Variants in PIK3C2G observed in about 807,000 individuals in gnomAD.
PIK3C2G encodes phosphatidylinositol-4-phosphate 3-kinase catalytic subunit type 2 gamma.
A neutral mutation model predicts 181.1 loss-of-function variants in PIK3C2G; 168 were observed. The ratio of observed to expected loss-of-function variants is 0.93; its 90% confidence interval spans 0.82 to 1.05. The LOEUF (loss-of-function observed/expected upper bound fraction) is 1.05, where lower values mean the gene tolerates loss of function less well. Among genes scored for constraint, PIK3C2G ranks in the 50% least tolerant of loss-of-function variants. The pLI is 0.00. For synonymous variants in PIK3C2G, 573 were observed against 592.2 expected (o/e 0.97, Z 0.47); for missense variants, 1,869 against 1,732.8 (o/e 1.08, Z -1.40).
intron 5 of PIK3C2G, among the ~76,000 whole-genome samples, chr12:18,310,842 A>G (rs1950606830): frequency 1.3e-5 from 2 of 151,954 alleles, no homozygotes; most frequent in South Asian, 4.1e-4. Context: ...GATAGCTGAG[A>G]CTTCTCTGAT....
At chr12:18,277,605 C>T (rs1389141674) in intron 1 of PIK3C2G, among the ~76,000 whole-genome samples, 3 of 152,176 alleles carry the variant, frequency 2.0e-5, no homozygotes, top group African/African-American at 7.2e-5. Flanking sequence ...CCACACTCCT[C>T]TCATCTTCCT....
At chr12:18,566,249 G>A (rs949788119) in intron 28 of PIK3C2G, among the ~76,000 whole-genome samples, 10 of 152,080 alleles carry the variant, frequency 6.6e-5, no homozygotes, top group African/African-American at 2.4e-4. Context: ...CCAAGCCGTG[G>A]TTCCTACCAA....
intron 7 of PIK3C2G, among the ~76,000 whole-genome samples, chr12:18,321,821 C>T (rs970645104): frequency 1.3e-5 from 2 of 152,138 alleles, no homozygotes; most frequent in Non-Finnish European, 2.9e-5. Flanking sequence ...CCATTATCCT[C>T]AACAAACTAA....
intron 25 of PIK3C2G, among the ~76,000 whole-genome samples, chr12:18,541,196 A>G (rs962301187): frequency 6.6e-6 from 1 of 151,972 alleles, no homozygotes; most frequent in African/African-American, 2.4e-5. Flanking sequence ...ATCAGTCCCC[A>G]GGATTATGGG....
the PIK3C2G span, among the ~76,000 whole-genome samples, chr12:18,654,346 CA>C: frequency 6.7e-6 from 1 of 149,614 alleles, no homozygotes; most frequent in South Asian, 2.1e-4. Context: ...CCTTGGAGAG[CA>C]GATATAATGA....
intron 29 of PIK3C2G, among the ~76,000 whole-genome samples, chr12:18,593,667 G>A (rs1205821570): frequency 6.6e-6 from 1 of 151,862 alleles, no homozygotes; most frequent in Non-Finnish European, 1.5e-5. Flanking sequence ...CCAACAAAAT[G>A]TATGCCAGTT....
chr12:18,378,032 C>A lies in PIK3C2G; in HGVS notation c.1881-3734C>A, dbSNP rs149510111. 5.9e-5 allele frequency among the ~76,000 whole-genome samples: 9 copies of A among 152,168 alleles called. No individual in the cohort carries two copies. The East Asian group carries it at 1.7e-3, about 30-fold the overall frequency. On this transcript the variant is annotated intron_variant, in intron 13 of 32. Transcript: ENST00000538779. ...CATCACCATTTGTTGATACATTGCC[C>A]CATACACACATCTATGTCAGATGAC...
At chr12:18,707,988 C>A in the PIK3C2G span, among the ~76,000 whole-genome samples, 1 of 152,160 alleles carries the variant, frequency 6.6e-6, no homozygotes, top group African/African-American at 2.4e-5. Flanking sequence ...TCCATCATTT[C>A]ACAGTTACCC....
chr12:18,496,586 A>G lies in PIK3C2G; in HGVS notation c.2886+432A>G, dbSNP rs2290043. Among the ~76,000 whole-genome samples the G allele has an allele frequency of 1.6e-4, 25 of 152,278 alleles. No individual in the cohort carries two copies. The East Asian group carries it at 4.6e-3, about 28-fold the overall frequency. On this transcript the variant is annotated intron_variant, in intron 21 of 32. Transcript: ENST00000538779. ...TAGTAATTTGAGTTTTTTTTAATAA[A>G]AAAGTAAATATGGGTCATTTCAGTC...
At chr12:18,673,505 G>A in the PIK3C2G span, among the ~76,000 whole-genome samples, 1 of 152,210 alleles carries the variant, frequency 6.6e-6, no homozygotes, top group African/African-American at 2.4e-5. Context: ...AAACGAACAA[G>A]GCTAGAGAAG....
chr12:18,531,043 C>T (rs1943527388), intron 24 of PIK3C2G, among the ~76,000 whole-genome samples: 1 of 152,034 alleles, frequency 6.6e-6, no homozygotes. Context: ...TTAACTATTC[C>T]TTCCTCAAAG....
intron 12 of PIK3C2G, 97 bp downstream of exon 12, chr12:18,362,983 A>G: frequency 1.1e-6 from 1 of 894,468 alleles, no homozygotes. Context: ...TAAAAAAAAT[A>G]TGCTGCCAGT....
intron 18 of PIK3C2G, among the ~76,000 whole-genome samples, chr12:18,425,900 A>G (rs1255099533): frequency 6.6e-6 from 1 of 152,178 alleles, no homozygotes; most frequent in African/African-American, 2.4e-5. Flanking sequence ...CCATGTAGTG[A>G]TTTCTTATAT....
chr12:18,489,449 G>A (rs1940359279), intron 19 of PIK3C2G, among the ~76,000 whole-genome samples: 1 of 152,034 alleles, frequency 6.6e-6, no homozygotes, highest in Non-Finnish European at 1.5e-5. Context: ...AATAGTAGTA[G>A]GCAAAGTGTC....
At chr12:18,321,657 A>G (rs562593233) in intron 7 of PIK3C2G, among the ~76,000 whole-genome samples, 1 of 152,302 alleles carries the variant, frequency 6.6e-6, no homozygotes, top group Admixed American at 6.5e-5. Flanking sequence ...AAAGGCTGAT[A>G]TAACATATCA....
intron 18 of PIK3C2G, among the ~76,000 whole-genome samples, chr12:18,478,111 GA>G (rs992864433): frequency 6.6e-6 from 1 of 151,992 alleles, no homozygotes; most frequent in African/African-American, 2.4e-5. Context: ...TGGGTATTTA[GA>G]AGAAAAAAGA....
At chr12:18,694,108 G>C in the PIK3C2G span, 1 of 1,009,000 alleles carries the variant, frequency 9.9e-7, no homozygotes, top group Non-Finnish European at 1.5e-6. Flanking sequence ...AGTGAACTAC[G>C]GCTGCCATCA....
intron 25 of PIK3C2G, among the ~76,000 whole-genome samples, chr12:18,539,245 A>G (rs1944023528): frequency 3.9e-5 from 6 of 151,954 alleles, no homozygotes; most frequent in Admixed American, 3.9e-4. Context: ...TATCTGTTAA[A>G]TGAAGATAAC....
At chr12:18,660,973 G>T in the PIK3C2G span, among the ~76,000 whole-genome samples, 1 of 152,024 alleles carries the variant, frequency 6.6e-6, no homozygotes, top group East Asian at 1.9e-4. Flanking sequence ...AAACCCAAAT[G>T]AAGCCAAAAT....
Sources: gnomAD v4.1 joint callset for allele counts (sites outside exome capture counted in the v4.1 genomes callset) on GRCh38, gnomAD v4.1.1 for gene constraint, MANE v1.5 for transcripts, NCBI Gene and HGNC (gene_info 2026-07-23, HGNC 2026-07-21) for gene names.